The following ROBO2 variants were observed in gnomAD, a reference collection of about 807,000 sequenced individuals.
The protein encoded by ROBO2 is roundabout homolog 2.
ROBO2 carries 53 observed loss-of-function variants against 160.8 expected under a neutral mutation model. The ratio of observed to expected loss-of-function variants is 0.33; its 90% CI spans 0.26 to 0.41. The LOEUF is 0.41. Among genes scored for constraint, ROBO2 ranks in the 10% least tolerant of loss-of-function variants. ROBO2 has a pLI of 1.00. For synonymous variants in ROBO2, 664 were observed against 611.7 expected (o/e 1.09, Z -1.26); for missense variants, 1,577 against 1,722.4 (o/e 0.92, Z 1.49).
At chr3:76,641,668 G>A (rs1376411728) in intron 2 of ROBO2, among the ~76,000 whole-genome samples, 3 of 152,184 alleles carry the variant, frequency 2.0e-5, no homozygotes, top group Non-Finnish European at 4.4e-5. Flanking sequence ...AATAAGGCCT[G>A]TAGCTTACAC....
chr3:76,657,572 C>A (rs1252268958), intron 2 of ROBO2, among the ~76,000 whole-genome samples: 1 of 148,134 alleles, frequency 6.8e-6, no homozygotes, highest in African/African-American at 2.5e-5. Flanking sequence ...ATGGTGAAAC[C>A]CTGCCTCTCT....
At chr3:76,085,002 T>C (rs1014628327) in intron 2 of ROBO2, among the ~76,000 whole-genome samples, 3 of 152,078 alleles carry the variant, frequency 2.0e-5, no homozygotes, top group Non-Finnish European at 4.4e-5. Context: ...TTATGCAACC[T>C]CATGTAACAC....
At chr3:77,106,311 G>A (rs2072789022) in intron 2 of ROBO2, among the ~76,000 whole-genome samples, 2 of 152,090 alleles carry the variant, frequency 1.3e-5, no homozygotes, top group South Asian at 4.1e-4. Flanking sequence ...CCAAAGTGCT[G>A]GGATTACAGG....
intron 1 of ROBO2, among the ~76,000 whole-genome samples, chr3:77,097,794 T>C (rs1045925955): frequency 6.6e-6 from 1 of 152,284 alleles, no homozygotes; most frequent in East Asian, 1.9e-4. Flanking sequence ...ATGGAACACA[T>C]TAAACCTAAC....
At chr3:76,827,950 T>C (rs1024549907) in intron 2 of ROBO2, among the ~76,000 whole-genome samples, 2 of 152,160 alleles carry the variant, frequency 1.3e-5, no homozygotes, top group Non-Finnish European at 2.9e-5. Flanking sequence ...ATCAGACTTA[T>C]TTATTGAAGA....
chr3:76,094,214 T>G (rs1362322090), intron 2 of ROBO2, among the ~76,000 whole-genome samples: 2 of 152,074 alleles, frequency 1.3e-5, no homozygotes, highest in Admixed American at 1.3e-4. Flanking sequence ...TGAAAGAATT[T>G]TTCTCAAAAT....
intron 2 of ROBO2, among the ~76,000 whole-genome samples, chr3:76,229,548 T>TTTA (rs1175804670): frequency 6.6e-6 from 1 of 152,104 alleles, no homozygotes; most frequent in African/African-American, 2.4e-5. Context: ...AATGAAAGAG[T>TTTA]TAAATAAAGT....
chr3:76,973,531 G>A (rs2059672278), intron 2 of ROBO2, among the ~76,000 whole-genome samples: 1 of 151,938 alleles, frequency 6.6e-6, no homozygotes, highest in Admixed American at 6.6e-5. Context: ...AACCACTACT[G>A]TAATGGAAAG....
intron 2 of ROBO2, among the ~76,000 whole-genome samples, chr3:76,406,432 T>C (rs1576996902): frequency 6.6e-6 from 1 of 152,022 alleles, no homozygotes; most frequent in Non-Finnish European, 1.5e-5. Flanking sequence ...ATATTTCTAG[T>C]CCTTGTATGG....
At chr3:76,550,964 G>A (rs950421674) in intron 2 of ROBO2, among the ~76,000 whole-genome samples, 8 of 152,186 alleles carry the variant, frequency 5.3e-5, no homozygotes, top group East Asian at 1.9e-4. Flanking sequence ...GGCAGGAGGC[G>A]GACAGGTTCC....
chr3:77,368,392 C>T (rs936390018), intron 2 of ROBO2, among the ~76,000 whole-genome samples: 1 of 152,002 alleles, frequency 6.6e-6, no homozygotes, highest in African/African-American at 2.4e-5. Flanking sequence ...CATTGAAAAA[C>T]TTTGTTACTA....
intron 2 of ROBO2, among the ~76,000 whole-genome samples, chr3:77,290,157 G>A (rs1476903098): frequency 2.0e-5 from 3 of 151,584 alleles, no homozygotes; most frequent in Non-Finnish European, 2.9e-5. Flanking sequence ...CGGGTAAGCT[G>A]AGGCTAGATC....
chr3:76,791,128 T>C (rs1043011921), intron 2 of ROBO2, among the ~76,000 whole-genome samples: 1 of 151,678 alleles, frequency 6.6e-6, no homozygotes, highest in African/African-American at 2.4e-5. Context: ...ATGAAGAAAA[T>C]CTTCCCAGAA....
At chr3:77,128,795 T>C (rs2075584811) in intron 2 of ROBO2, among the ~76,000 whole-genome samples, 1 of 152,230 alleles carries the variant, frequency 6.6e-6, no homozygotes, top group Non-Finnish European at 1.5e-5. Flanking sequence ...TACAAATCCT[T>C]GTGCTCAACC....
At chr3:76,457,149 C>T (rs1016981074) in intron 2 of ROBO2, among the ~76,000 whole-genome samples, 1 of 152,174 alleles carries the variant, frequency 6.6e-6, no homozygotes, top group Admixed American at 6.5e-5. Flanking sequence ...CTAATTTCAC[C>T]ATTAACTCAA....
intron 2 of ROBO2, among the ~76,000 whole-genome samples, chr3:77,401,539 T>G (rs567046991): frequency 6.6e-6 from 1 of 152,136 alleles, no homozygotes; most frequent in Non-Finnish European, 1.5e-5. Flanking sequence ...AGTAAACCTA[T>G]TGGGCTGGTA....
chr3:77,014,164 A>T (rs1478693358), intron 2 of ROBO2, among the ~76,000 whole-genome samples: 1 of 152,084 alleles, frequency 6.6e-6, no homozygotes, highest in Admixed American at 6.5e-5. Context: ...GCTGAATTTT[A>T]GAGCGTATAA....
Position 77,295,977 on chromosome 3 carries a change from G to A in ROBO2, c.389-181437G>A, listed in dbSNP as rs1043143175. ...GTAAGCTGAGGCTAGATCACTCCAG[G>A]CATAAAGTAAAATTGATGGTTAAAC... On this transcript the variant is annotated intron_variant, in intron 2 of 25. Transcript: ENST00000461745. Among the ~76,000 whole-genome samples, 74 of 123,466 alleles carry A rather than the reference G, an allele frequency of 6.0e-4. 2 individuals carry two copies. The highest frequency in any genetic ancestry group is 2.0e-3 in the African/African-American group (59 of 28,834). 81.0% of individuals were successfully genotyped at this position (123,466 alleles called of 152,430 possible). A position where few individuals can be genotyped will look rare whatever the true frequency, so the allele number is the denominator to read the frequency against.
chr3:77,070,313 C>T (rs1407259398), intron 1 of ROBO2, among the ~76,000 whole-genome samples: 2 of 152,126 alleles, frequency 1.3e-5, no homozygotes, highest in East Asian at 3.9e-4. Context: ...ATGCATCTTC[C>T]TTGCCTCTTC....
Sources: allele counts gnomAD v4.1 joint callset (sites outside exome capture counted in the v4.1 genomes callset), GRCh38; gene constraint gnomAD v4.1.1; transcripts MANE v1.5; gene names NCBI Gene and HGNC (gene_info 2026-07-23, HGNC 2026-07-21).